The following COLGALT2 variants were observed in gnomAD, a reference collection of about 807,000 sequenced individuals.
COLGALT2 encodes collagen beta(1-O)galactosyltransferase 2, also known as procollagen galactosyltransferase 2.
COLGALT2 carries 49 observed loss-of-function variants against 73.4 expected under a neutral mutation model. The observed-to-expected ratio is 0.67, with a 90% CI of 0.53 to 0.85. COLGALT2 has a LOEUF of 0.85. Ranked by LOEUF, COLGALT2 falls within the 40% of genes least tolerant of loss-of-function variation. COLGALT2 has a pLI of 0.00. For synonymous variants in COLGALT2, 295 were observed against 307.6 expected (o/e 0.96, Z 0.43); for missense variants, 722 against 790.2 (o/e 0.91, Z 1.03).
At chr1:183,947,946 T>C (rs1670294834) in intron 8 of COLGALT2, among the ~76,000 whole-genome samples, 1 of 152,018 alleles carries the variant, frequency 6.6e-6, no homozygotes, top group African/African-American at 2.4e-5. Context: ...AAAGATTATA[T>C]GATAATACTA....
At chr1:184,034,161 G>C (rs1299805593) in intron 1 of COLGALT2, among the ~76,000 whole-genome samples, 2 of 152,084 alleles carry the variant, frequency 1.3e-5, no homozygotes, top group African/African-American at 4.8e-5. Flanking sequence ...CAGACCAGAA[G>C]TCAGCACTTC....
At chr1:184,003,908 T>C (rs1671997478) in intron 1 of COLGALT2, among the ~76,000 whole-genome samples, 2 of 152,140 alleles carry the variant, frequency 1.3e-5, no homozygotes, top group South Asian at 4.1e-4. Flanking sequence ...TGTGAAAAAG[T>C]CCAAAGAAGA....
In COLGALT2 at chr1:183,940,483, G is replaced by A. The variant is rs934374811; in HGVS notation, c.1604+98C>T. On this transcript the variant is annotated intron_variant, in intron 11 of 11. Coordinates refer to ENST00000361927, the MANE Select transcript of COLGALT2 (RefSeq NM_015101.4). ...TATGAGAAGATCATTTAGGAAAGCAGTACAACTTTAGAAAATATCAAGTAC... is the reference window on the plus strand; with the variant it reads ...TATGAGAAGATCATTTAGGAAAGCAATACAACTTTAGAAAATATCAAGTAC... The A allele has an allele frequency of 1.2e-5, 13 of 1,098,330 alleles. No homozygotes were observed. The African/African-American group carries it at 1.7e-4, about 14-fold the overall frequency. The allele number at this position is 1,098,330 out of a possible 1,614,324, so 68.0% of individuals were successfully genotyped here.
Position 183,969,393 on chromosome 1 carries a change from G to A in COLGALT2, c.708C>T (p.His236=). The A allele has an allele frequency of 1.9e-6, 3 of 1,613,986 alleles. No homozygotes were observed. The highest frequency in any genetic ancestry group is 2.5e-6 in the Non-Finnish European group (3 of 1,179,924). The change falls in exon 5 of 12, where the codon CAC becomes CAT. Residue 236 remains histidine, a synonymous_variant. Transcript: ENST00000361927. ...TCCTGAGGTCAATTAGGAAGGTGGAGTGGACCATGGGGACGGGGAAGCAGC... is the reference window on the plus strand; with the variant it reads ...TCCTGAGGTCAATTAGGAAGGTGGAATGGACCATGGGGACGGGGAAGCAGC... The part of the protein sequence containing the change: ...RTGCFPVPMV[H]STFLIDLRKE...
chr1:184,023,338 T>A (rs779199803), intron 1 of COLGALT2, among the ~76,000 whole-genome samples: 1 of 152,204 alleles, frequency 6.6e-6, no homozygotes, highest in Non-Finnish European at 1.5e-5. Flanking sequence ...ATGGCACTCA[T>A]GCTTTTGGCC....
At position 183,969,543 on chromosome 1, in the gene COLGALT2, G is replaced by A. The variant is rs576409167; in HGVS notation, c.628-70C>T. 30 of 1,378,252 alleles carry A rather than the reference G, an allele frequency of 2.2e-5. No individual in the cohort carries two copies. In the East Asian group the frequency reaches 6.9e-4, roughly 31 times the overall value. 85.4% of individuals were successfully genotyped at this position (1,378,252 alleles called of 1,614,324 possible). A position where few individuals can be genotyped will look rare whatever the true frequency, so the allele number is the denominator to read the frequency against. On this transcript the variant is annotated intron_variant, in intron 4 of 11. Coordinates refer to ENST00000361927, the MANE Select transcript of COLGALT2 (RefSeq NM_015101.4). ...CTTCATCCTTCTCAGTCATTTGCTA[G>A]ACTGATTCCTTTCAAGTCATTACCA...
At chr1:183,946,753 C>A (rs140103435) in intron 8 of COLGALT2, 1 of 152,110 alleles carries the variant, frequency 6.6e-6, no homozygotes, top group Non-Finnish European at 1.5e-5. Context: ...TAATCTGGGC[C>A]GGGAGTGGTG....
intron 6 of COLGALT2, among the ~76,000 whole-genome samples, chr1:183,961,863 T>G (rs958380966): frequency 6.6e-6 from 1 of 152,144 alleles, no homozygotes; most frequent in Non-Finnish European, 1.5e-5. Flanking sequence ...AGAAAAAGTA[T>G]GTATTAAAGA....
chr1:183,936,847 T>C lies in COLGALT2; in HGVS notation c.*1914A>G. The C allele has an allele frequency of 1.6e-6, 2 of 1,231,678 alleles. No individual in the cohort carries two copies. The highest frequency in any genetic ancestry group is 2.0e-6 in the Non-Finnish European group (2 of 988,006). 76.3% of individuals were successfully genotyped at this position (1,231,678 alleles called of 1,614,324 possible). A position where few individuals can be genotyped will look rare whatever the true frequency, so the allele number is the denominator to read the frequency against. ...TCCAGCGGCCTAGCTTGCTGGTCAG[T>C]GTAGAAGGGTACCCACAGTGAGTCG... On this transcript the variant is annotated 3_prime_UTR_variant, in exon 12 of 12. Coordinates refer to ENST00000361927, the MANE Select transcript of COLGALT2 (RefSeq NM_015101.4).
intron 1 of COLGALT2, among the ~76,000 whole-genome samples, chr1:184,008,972 C>T (rs1672164511): frequency 6.6e-6 from 1 of 152,046 alleles, no homozygotes; most frequent in African/African-American, 2.4e-5. Context: ...ATTCTTGCAA[C>T]TTTTCTGTAA....
At chr1:183,950,720 C>G in intron 8 of COLGALT2, among the ~76,000 whole-genome samples, 1 of 152,148 alleles carries the variant, frequency 6.6e-6, no homozygotes, top group Non-Finnish European at 1.5e-5. Context: ...CTACAGAAGG[C>G]TGAAAACCAC....
Position 184,035,404 on chromosome 1 carries a change from T to C in COLGALT2, c.263+1691A>G, listed in dbSNP as rs568221780. On this transcript the variant is annotated intron_variant, in intron 1 of 11. Coordinates refer to ENST00000361927, the MANE Select transcript of COLGALT2 (RefSeq NM_015101.4). Reference sequence around the variant, plus strand: ...AGATTATAGGCTTATGTAAATTTTGTTTATATCATGTTTCCTGCCTTTTTA... The same window carrying C: ...AGATTATAGGCTTATGTAAATTTTGCTTATATCATGTTTCCTGCCTTTTTA... Among the ~76,000 whole-genome samples, 10 of 152,360 alleles carry C rather than the reference T, an allele frequency of 6.6e-5. No individual in the cohort carries two copies. The East Asian group carries it at 1.7e-3, about 26-fold the overall frequency.
chr1:184,035,463 T>C (rs1649643497), intron 1 of COLGALT2, among the ~76,000 whole-genome samples: 1 of 152,230 alleles, frequency 6.6e-6, no homozygotes, highest in Admixed American at 6.5e-5. Context: ...AGTTTCACCA[T>C]TTATTAATTC....
At chr1:183,967,032 G>C (rs1670895086) in intron 5 of COLGALT2, among the ~76,000 whole-genome samples, 1 of 152,234 alleles carries the variant, frequency 6.6e-6, no homozygotes, top group Non-Finnish European at 1.5e-5. Flanking sequence ...CATGAAGAAA[G>C]AGGAAAGTGC....
chr1:183,975,614 C>T (rs1671168554), intron 2 of COLGALT2, among the ~76,000 whole-genome samples: 2 of 152,168 alleles, frequency 1.3e-5, no homozygotes, highest in African/African-American at 2.4e-5. Flanking sequence ...ATCCCGACAT[C>T]GAATAGATTT....
chr1:183,995,724 C>A (rs1671753595), intron 1 of COLGALT2, among the ~76,000 whole-genome samples: 1 of 151,894 alleles, frequency 6.6e-6, no homozygotes, highest in Non-Finnish European at 1.5e-5. Flanking sequence ...TTTAATATCC[C>A]AATTTACTTA....
intron 7 of COLGALT2, among the ~76,000 whole-genome samples, chr1:183,954,517 T>C (rs1649222545): frequency 1.3e-5 from 2 of 152,270 alleles, no homozygotes. Context: ...AAATTCACTT[T>C]CATTACTAAA....
chr1:183,957,498 C>T (rs1179304935), intron 6 of COLGALT2, among the ~76,000 whole-genome samples: 4 of 152,180 alleles, frequency 2.6e-5, no homozygotes, highest in African/African-American at 9.7e-5. Flanking sequence ...AATCCTACCG[C>T]TTCTTCTCTA....
chr1:184,026,343 G>T (rs1310759985), intron 1 of COLGALT2, among the ~76,000 whole-genome samples: 4 of 152,176 alleles, frequency 2.6e-5, no homozygotes, highest in Admixed American at 6.5e-5. Context: ...TAAAGTGGAT[G>T]CATAAACTTA....
Sources: allele counts gnomAD v4.1 joint callset (sites outside exome capture counted in the v4.1 genomes callset), GRCh38; gene constraint gnomAD v4.1.1; transcripts MANE v1.5; gene names NCBI Gene and HGNC (gene_info 2026-07-23, HGNC 2026-07-21).